The following DAB1 variants were observed in gnomAD, a reference collection of about 807,000 sequenced individuals.
The protein encoded by DAB1 is disabled homolog 1.
A neutral mutation model predicts 64.6 loss-of-function variants in DAB1; 15 were observed. The observed-to-expected ratio is 0.23, with a 90% CI of 0.16 to 0.36. The LOEUF is 0.36. DAB1 is among the 10% of genes least tolerant of loss of function. DAB1 has a pLI of 1.00. For synonymous variants in DAB1, 235 were observed against 251.9 expected, an observed-to-expected ratio of 0.93 and a Z score of 0.64; for missense variants, 596 against 706.7, an observed-to-expected ratio of 0.84 and a Z score of 1.78.
chr1:57,975,932 G>A (rs1019396085), intron 5 of DAB1, among the ~76,000 whole-genome samples: 4 of 152,140 alleles, frequency 2.6e-5, no homozygotes, highest in Non-Finnish European at 5.9e-5. Context: ...TACCTACTAA[G>A]GGCAGCCAGC....
At chr1:57,654,477 T>C (rs1202720968) in intron 6 of DAB1, among the ~76,000 whole-genome samples, 2 of 152,204 alleles carry the variant, frequency 1.3e-5, no homozygotes, top group South Asian at 2.1e-4. Context: ...GACTAAGATA[T>C]GTGGTGGTAT....
chr1:57,159,167 T>C (rs2100876220), intron 2 of DAB1, among the ~76,000 whole-genome samples: 1 of 151,108 alleles, frequency 6.6e-6, no homozygotes, highest in South Asian at 2.1e-4. Flanking sequence ...CTAGTATTTA[T>C]TTCAGGTTTT....
intron 14 of DAB1, among the ~76,000 whole-genome samples, chr1:57,006,368 G>C (rs556956898): frequency 9.2e-5 from 14 of 152,344 alleles, no homozygotes; most frequent in Non-Finnish European, 2.1e-4. Context: ...CATGCTGCTT[G>C]TGTTCCTTAG....
chr1:57,191,076 A>C (rs1280691882), intron 2 of DAB1, among the ~76,000 whole-genome samples: 1 of 152,180 alleles, frequency 6.6e-6, no homozygotes, highest in Non-Finnish European at 1.5e-5. Flanking sequence ...AATGGTGCAC[A>C]CGTATCTATC....
At chr1:57,582,027 A>G (rs1044936539) in intron 7 of DAB1, among the ~76,000 whole-genome samples, 1 of 152,092 alleles carries the variant, frequency 6.6e-6, no homozygotes, top group Non-Finnish European at 1.5e-5. Context: ...CTTCTTGTGT[A>G]GCCTCCCATG....
At chr1:57,128,965 C>G (rs1257718379) in intron 4 of DAB1, among the ~76,000 whole-genome samples, 2 of 152,132 alleles carry the variant, frequency 1.3e-5, no homozygotes, top group African/African-American at 4.8e-5. Context: ...GATATTTGTT[C>G]TTGTGTAAGT....
rs373355651 is a variant in DAB1, at chr1:57,648,759, G to A, written n.625+833C>T. On this transcript the variant is annotated intron_variant and non_coding_transcript_variant, in intron 7 of 20. Transcript: ENST00000485760. ...TTTAATTTTCTATGCTTGTCTGGCT[G>A]GAGAAGAGATGAATATTACCTTGTG... is the stretch of plus-strand genomic sequence containing the variant. 9.2e-5 allele frequency among the ~76,000 whole-genome samples: 14 copies of A among 152,272 alleles called. 1 individual carries two copies. Among genetic ancestry groups the A allele is most frequent in the African/African-American group, 3.4e-4 (14 of 41,552 alleles).
At chr1:57,718,314 G>GC (rs1018963682) in intron 6 of DAB1, among the ~76,000 whole-genome samples, 1 of 152,030 alleles carries the variant, frequency 6.6e-6, no homozygotes, top group African/African-American at 2.4e-5. Context: ...AAATTAATCA[G>GC]AAAAAATAAA....
chr1:57,078,480 A>C (rs1240393120), intron 4 of DAB1, among the ~76,000 whole-genome samples: 4 of 152,220 alleles, frequency 2.6e-5, no homozygotes, highest in Non-Finnish European at 4.4e-5. Context: ...AACATATATG[A>C]AATGAGATAC....
chr1:57,572,714 A>T (rs948911633), intron 7 of DAB1, among the ~76,000 whole-genome samples: 1 of 152,190 alleles, frequency 6.6e-6, no homozygotes, highest in Non-Finnish European at 1.5e-5. Context: ...AATTTATTAA[A>T]AAAAGAGGCT....
At chr1:57,356,790 C>T (rs915121852) in intron 1 of DAB1, among the ~76,000 whole-genome samples, 12 of 152,008 alleles carry the variant, frequency 7.9e-5, no homozygotes, top group African/African-American at 2.9e-4. Flanking sequence ...CCTACAGCTA[C>T]CACAGCAACT....
upstream of DAB1, among the ~76,000 whole-genome samples, chr1:57,426,874 A>ATATATATATTTTTTT (rs57970737): frequency 6.7e-6 from 1 of 149,184 alleles, no homozygotes; most frequent in African/African-American, 2.5e-5. Context: ...ATATATATAT[A>ATATATATATTTTTTT]TTTTTTTGAG....
At chr1:58,013,691 T>C (rs1336248405) in intron 5 of DAB1, among the ~76,000 whole-genome samples, 1 of 152,132 alleles carries the variant, frequency 6.6e-6, no homozygotes, top group Non-Finnish European at 1.5e-5. Context: ...TTTACTTGAA[T>C]AATATGAATA....
chr1:57,378,866 T>C (rs186464006), intron 1 of DAB1, among the ~76,000 whole-genome samples: 2 of 152,296 alleles, frequency 1.3e-5, no homozygotes, highest in East Asian at 3.9e-4. Flanking sequence ...ATATTGAGGA[T>C]GTCACTGCTT....
intron 5 of DAB1, among the ~76,000 whole-genome samples, chr1:57,989,692 G>C (rs1297325368): frequency 6.6e-6 from 1 of 152,086 alleles, no homozygotes; most frequent in Non-Finnish European, 1.5e-5. Context: ...CCAAACATGG[G>C]GCACCAGGGC....
chr1:57,776,405 G>T (rs1353936547), intron 6 of DAB1, among the ~76,000 whole-genome samples: 1 of 151,678 alleles, frequency 6.6e-6, no homozygotes, highest in Non-Finnish European at 1.5e-5. Flanking sequence ...AATCATCTCT[G>T]CCTTTTCATT....
intron 3 of DAB1, among the ~76,000 whole-genome samples, chr1:58,490,213 C>T (rs1192819114): frequency 6.6e-6 from 1 of 152,120 alleles, no homozygotes; most frequent in Non-Finnish European, 1.5e-5. Context: ...AGACGAATGA[C>T]TAACTAGAAT....
At chr1:58,381,333 G>A (rs1027320884) in intron 3 of DAB1, among the ~76,000 whole-genome samples, 9 of 152,120 alleles carry the variant, frequency 5.9e-5, no homozygotes, top group African/African-American at 1.7e-4. Context: ...GATGGGAGAA[G>A]TAGGCCAGGG....
At chr1:57,087,931 C>T (rs1207099120) in intron 4 of DAB1, among the ~76,000 whole-genome samples, 1 of 152,160 alleles carries the variant, frequency 6.6e-6, no homozygotes, top group Non-Finnish European at 1.5e-5. Flanking sequence ...AATAGACCAG[C>T]AATGGAAAGT....
Sources: gnomAD v4.1 joint callset for allele counts (sites outside exome capture counted in the v4.1 genomes callset) on GRCh38, gnomAD v4.1.1 for gene constraint, MANE v1.5 for transcripts, NCBI Gene and HGNC (gene_info 2026-07-23, HGNC 2026-07-21) for gene names.